Variants in CHD9 observed in about 807,000 individuals in gnomAD.
CHD9 encodes the protein chromodomain helicase DNA binding protein 9.
Under a neutral mutation model 316.1 loss-of-function variants are expected in CHD9, and 77 were observed. The ratio of observed to expected loss-of-function variants is 0.24; its 90% CI spans 0.20 to 0.29. CHD9 has a LOEUF of 0.29. Among genes scored for constraint, CHD9 ranks in the 10% least tolerant of loss-of-function variants. The probability of loss-of-function intolerance (pLI) is 1.00; values close to 1 mark genes in which losing one functional copy is unlikely to be tolerated. For missense variants in CHD9, 2,763 were observed against 3,438.1 expected, an observed-to-expected ratio of 0.80 and a Z score of 4.91; for synonymous variants, 1,129 against 1,158.3, an observed-to-expected ratio of 0.97 and a Z score of 0.51.
intron 34 of CHD9, 72 bp downstream of exon 34, chr16:53,308,926 C>G: frequency 8.3e-7 from 1 of 1,204,232 alleles, no homozygotes; most frequent in Non-Finnish European, 1.2e-6. Context: ...TTTATAGATG[C>G]TTGTAATAAA....
chr16:53,224,007 AAAAAG>A (rs2047450101), intron 4 of CHD9, among the ~76,000 whole-genome samples: 2 of 152,170 alleles, frequency 1.3e-5, no homozygotes, highest in Admixed American at 6.5e-5. Context: ...GACCTAAATT[AAAAAG>A]AAATATGCCC....
At position 53,306,291 on chromosome 16, in the gene CHD9, C is replaced by T; in HGVS notation, c.6674C>T (p.Thr2225Ile). The change falls in exon 32 of 39, where the codon ACT becomes ATT. Residue 2225 changes from threonine to isoleucine, a missense_variant. Thr to Ile is a moderately conservative substitution (Grantham distance 89). Coordinates refer to ENST00000447540, the MANE Select transcript of CHD9 (RefSeq NM_001308319.2). ...GAAGAAAGCGTCGCGTCACTGAGCACTACCCAGGATGAGACTCAGGATAGT... is the reference window on the plus strand; with the variant it reads ...GAAGAAAGCGTCGCGTCACTGAGCATTACCCAGGATGAGACTCAGGATAGT... ...YDEESVASLSTTQDETQDSFQ... is the reference protein window; with the variant it reads ...YDEESVASLSITQDETQDSFQ... 6.2e-7 allele frequency: 1 copy of T among 1,608,482 alleles called. No individual in the cohort carries two copies. Among genetic ancestry groups the T allele is most frequent in the Non-Finnish European group, 8.5e-7 (1 of 1,177,536 alleles).
rs376338385 is a variant in CHD9 at position 53,227,393 on chromosome 16, T to C, written c.2044-3T>C. On this transcript the variant is annotated splice_region_variant and splice_polypyrimidine_tract_variant and intron_variant, in intron 5 of 38. Coordinates refer to ENST00000447540, the MANE Select transcript of CHD9 (RefSeq NM_001308319.2). The stretch of plus-strand genomic sequence containing the variant: ...GTCATTATTTCTTTCCTCCCTCCCA[T>C]AGGAGAATCCGAGTGAAGAAGATGC... 1.9e-6 allele frequency: 3 copies of C among 1,553,178 alleles called. No homozygotes were observed. Among genetic ancestry groups the C allele is most frequent in the Middle Eastern group, 1.7e-4 (1 of 5,986 alleles).
chr16:53,097,748 A>C (rs546263895), intron 1 of CHD9, among the ~76,000 whole-genome samples: 1 of 152,376 alleles, frequency 6.6e-6, no homozygotes, highest in Admixed American at 6.5e-5. Flanking sequence ...ATGGATGAAT[A>C]AGTGAATGAA....
rs1361043895 is a variant in CHD9 at position 53,146,413 on chromosome 16, G to GTATATATATATA, written c.-164-9512_-164-9511insATATATATATAT. ...CTCAAAAAAAAAAAATTGTGTGTGT[G>GTATATATATATA]TGTATGTATATATATATATATATAA... On this transcript the variant is annotated intron_variant, in intron 1 of 38. Coordinates refer to ENST00000447540, the MANE Select transcript of CHD9 (RefSeq NM_001308319.2). Among the ~76,000 whole-genome samples, 63 of 24,484 alleles carry GTATATATATATA rather than the reference G, an allele frequency of 2.6e-3. 1 individual carries two copies. The highest frequency in any genetic ancestry group is 0.013 in the African/African-American group (49 of 3,854). 16.1% of individuals were successfully genotyped at this position (24,484 alleles called of 152,430 possible). A position where few individuals can be genotyped will look rare whatever the true frequency, so the allele number is the denominator to read the frequency against.
At chr16:53,157,690 GT>G (rs1329340868) in intron 2 of CHD9, 149 bp downstream of exon 2, 1 of 745,792 alleles carries the variant, frequency 1.3e-6, no homozygotes, top group South Asian at 2.0e-5. Context: ...GGTTTATATT[GT>G]TTTACAAGTC....
At chr16:53,204,058 T>TATACAC (rs773266940) in intron 2 of CHD9, among the ~76,000 whole-genome samples, 19 of 63,008 alleles carry the variant, frequency 3.0e-4, no homozygotes, top group East Asian at 1.1e-3. Context: ...AATATATATA[T>TATACAC]ACACACACAC....
chr16:53,228,585 G>GGCCGGAC lies in CHD9; in HGVS notation c.2169-397_2169-391dup. ...AGACGGAGTCTCGCTCTGTCGCCCA[G>GGCCGGAC]GCCGGACTGCGGACTGCAGTGGCGC... On this transcript the variant is annotated intron_variant, in intron 7 of 38. Transcript: ENST00000447540. 1.5e-5 allele frequency among the ~76,000 whole-genome samples: 2 copies of GGCCGGAC among 132,692 alleles called. 1 individual carries two copies. Among genetic ancestry groups the GGCCGGAC allele is most frequent in the Non-Finnish European group, 3.1e-5 (2 of 65,046 alleles). The allele number at this position is 132,692 out of a possible 152,430, so 87.1% of individuals were successfully genotyped here.
In CHD9 at chr16:53,274,304, T is replaced by C; in HGVS notation, c.4967+2T>C. 3 of 1,549,784 alleles carry C rather than the reference T, an allele frequency of 1.9e-6. No homozygotes were observed. Among genetic ancestry groups the C allele is most frequent in the Non-Finnish European group, 2.6e-6 (3 of 1,141,794 alleles). On this transcript the variant is annotated splice_donor_variant, in intron 24 of 38. Transcript: ENST00000447540. LOFTEE classifies it high-confidence loss of function. ...AGTATTTGATGGAGTTGATGCAAGG[T>C]AAGTTAAACAATTTTTATTATTTTT... is the stretch of plus-strand genomic sequence containing the variant.
chr16:53,318,877 C>T (rs1366449772), intron 37 of CHD9, among the ~76,000 whole-genome samples: 1 of 152,210 alleles, frequency 6.6e-6, no homozygotes, highest in East Asian at 1.9e-4. Context: ...ATATTTATCA[C>T]TGCAATTTTC....
intron 12 of CHD9, 131 bp from the exon 13 acceptor site, chr16:53,242,709 A>G (rs758216551): frequency 6.9e-6 from 5 of 723,700 alleles, no homozygotes; most frequent in Non-Finnish European, 1.2e-5. Context: ...TTTCATTGTA[A>G]GGGAGTGTCT....
At chr16:53,103,203 T>G (rs1195635663) in intron 1 of CHD9, among the ~76,000 whole-genome samples, 5 of 150,618 alleles carry the variant, frequency 3.3e-5, no homozygotes, top group Non-Finnish European at 7.4e-5. Flanking sequence ...TTTTTTTTCT[T>G]TTTCTTTAAA....
chr16:53,261,783 G>A (rs555277217), intron 19 of CHD9, among the ~76,000 whole-genome samples: 54 of 152,134 alleles, frequency 3.5e-4, no homozygotes, highest in African/African-American at 1.1e-3. Context: ...ATACTGTTTC[G>A]AAGCAAATCC....
At chr16:53,175,949 C>G (rs2043070370) in intron 2 of CHD9, among the ~76,000 whole-genome samples, 1 of 152,202 alleles carries the variant, frequency 6.6e-6, no homozygotes, top group South Asian at 2.1e-4. Context: ...AGGCAGGACT[C>G]TGGGGCCCAT....
At chr16:53,128,722 T>G (rs2039083432) in intron 1 of CHD9, among the ~76,000 whole-genome samples, 2 of 152,178 alleles carry the variant, frequency 1.3e-5, no homozygotes, top group Non-Finnish European at 2.9e-5. Flanking sequence ...GTCCCCATAT[T>G]CAGAAACCAC....
chr16:53,239,465 T>G (rs992564012), intron 12 of CHD9, among the ~76,000 whole-genome samples: 1 of 152,162 alleles, frequency 6.6e-6, no homozygotes, highest in African/African-American at 2.4e-5. Context: ...ATTCAAGTCA[T>G]GGTTTTTGAA....
chr16:53,266,401 A>G (rs1326320249), intron 20 of CHD9, among the ~76,000 whole-genome samples: 1 of 152,174 alleles, frequency 6.6e-6, no homozygotes, highest in Non-Finnish European at 1.5e-5. Context: ...GCTCTAGGAC[A>G]TAAGCATTTC....
At chr16:53,249,832 A>T (rs780141093) in intron 16 of CHD9, 39 bp from the exon 17 acceptor site, 1 of 1,456,534 alleles carries the variant, frequency 6.9e-7, no homozygotes, top group Non-Finnish European at 9.6e-7. Flanking sequence ...CAGTTTTATT[A>T]TACTTATTTA....
In CHD9 at chr16:53,314,828, T is replaced by C; in HGVS notation, c.7368T>C (p.Ser2456=). ...FNRNKPPNHV[S]LGLTSSQIST... is the part of the protein sequence containing the mutation. ...CATTTGGTGTTTTTTTACAGGTTTCTTTAGGCTTAACCTCCTCACAGATTT... is the reference window on the plus strand; with the variant it reads ...CATTTGGTGTTTTTTTACAGGTTTCCTTAGGCTTAACCTCCTCACAGATTT... Residue 2456 remains serine (S), a synonymous_variant, in exon 36 of 39, where the codon TCT becomes TCC. Coordinates refer to ENST00000447540, the MANE Select transcript of CHD9 (RefSeq NM_001308319.2). 6.2e-7 allele frequency: 1 copy of C among 1,605,082 alleles called. No individual in the cohort carries two copies. Among genetic ancestry groups the C allele is most frequent in the Non-Finnish European group, 8.5e-7 (1 of 1,176,058 alleles).
Sources: allele counts gnomAD v4.1 joint callset (sites outside exome capture counted in the v4.1 genomes callset), GRCh38; gene constraint gnomAD v4.1.1; transcripts MANE v1.5; gene names NCBI Gene and HGNC (gene_info 2026-07-23, HGNC 2026-07-21).